BMPER: variants seen among roughly 807,000 people sequenced by gnomAD.
The protein encoded by BMPER is BMP binding endothelial regulator.
Under a neutral mutation model 87.3 loss-of-function variants are expected in BMPER, and 45 were observed. That is an observed-to-expected ratio of 0.52 (90% CI 0.41 to 0.66). The LOEUF (loss-of-function observed/expected upper bound fraction) is 0.66. Among genes scored for constraint, BMPER ranks in the 30% least tolerant of loss-of-function variants. The pLI is 0.00. For missense variants in BMPER, 784 were observed against 867.5 expected (o/e 0.90, Z 1.21); for synonymous variants, 326 against 316.2 (o/e 1.03, Z -0.33).
intron 6 of BMPER, among the ~76,000 whole-genome samples, chr7:34,024,366 A>AT (rs1787282872): frequency 1.1e-5 from 1 of 95,006 alleles, no homozygotes; most frequent in Non-Finnish European, 1.9e-5. Context: ...TCAAAAAAAA[A>AT]AAAAAAAAAA....
intron 14 of BMPER, 97 bp from the exon 15 acceptor site, chr7:34,152,995 C>A: frequency 1.5e-6 from 2 of 1,373,664 alleles, no homozygotes; most frequent in Non-Finnish European, 2.1e-6. Context: ...TGGAAACGTC[C>A]ATGAAGTGTC....
chr7:33,968,074 G>A (rs577534249), intron 4 of BMPER, among the ~76,000 whole-genome samples: 1 of 152,300 alleles, frequency 6.6e-6, no homozygotes, highest in South Asian at 2.1e-4. Flanking sequence ...CCCAGAAAGA[G>A]TGATGCAGGA....
At chr7:34,017,545 C>G (rs1222257314) in intron 6 of BMPER, among the ~76,000 whole-genome samples, 1 of 151,890 alleles carries the variant, frequency 6.6e-6, no homozygotes, top group Admixed American at 6.6e-5. Flanking sequence ...CCTCCTGTGG[C>G]ATGTGGGAAT....
intron 13 of BMPER, among the ~76,000 whole-genome samples, chr7:34,130,778 T>G (rs979458235): frequency 1.3e-5 from 2 of 152,048 alleles, no homozygotes; most frequent in African/African-American, 4.8e-5. Context: ...TCAGAAACCT[T>G]CCCTGAGAAA....
intron 11 of BMPER, among the ~76,000 whole-genome samples, chr7:34,078,646 A>G (rs1170837006): frequency 6.6e-6 from 1 of 152,196 alleles, no homozygotes; most frequent in African/African-American, 2.4e-5. Context: ...AGAGGTTTTA[A>G]AATGACTTTC....
chr7:34,042,202 T>A (rs1485017984), intron 6 of BMPER, among the ~76,000 whole-genome samples: 9 of 152,212 alleles, frequency 5.9e-5, no homozygotes, highest in Admixed American at 5.2e-4. Flanking sequence ...AGGTTTCAGA[T>A]CTTTCTTTTT....
chr7:34,067,845 G>A (rs534368014), intron 11 of BMPER, among the ~76,000 whole-genome samples: 2 of 152,320 alleles, frequency 1.3e-5, no homozygotes, highest in East Asian at 1.9e-4. Flanking sequence ...ATGCTGTTCT[G>A]CTCTAAGGGA....
chr7:34,118,440 G>A (rs1290323442), intron 13 of BMPER, among the ~76,000 whole-genome samples: 1 of 152,212 alleles, frequency 6.6e-6, no homozygotes, highest in Non-Finnish European at 1.5e-5. Flanking sequence ...CATGCTCAAA[G>A]AGGGGGAGCA....
intron 13 of BMPER, among the ~76,000 whole-genome samples, chr7:34,135,249 G>A (rs1790692018): frequency 6.6e-6 from 1 of 152,100 alleles, no homozygotes; most frequent in Non-Finnish European, 1.5e-5. Context: ...TTGGTTGTTG[G>A]ATTTTTGTTC....
chr7:33,953,910 T>C (rs1041253187), intron 3 of BMPER, among the ~76,000 whole-genome samples: 1 of 152,256 alleles, frequency 6.6e-6, no homozygotes, highest in African/African-American at 2.4e-5. Context: ...TTTGTCCTTT[T>C]GTGCCTGGCT....
At chr7:34,073,135 T>C (rs1436186969) in intron 11 of BMPER, among the ~76,000 whole-genome samples, 1 of 152,198 alleles carries the variant, frequency 6.6e-6, no homozygotes, top group East Asian at 1.9e-4. Flanking sequence ...AACTAACTCA[T>C]TCATTCAACA....
intron 11 of BMPER, chr7:34,067,254 T>C (rs574968218): frequency 1.5e-4 from 23 of 152,314 alleles, no homozygotes; most frequent in African/African-American, 4.6e-4. Context: ...CTAGGAGCCC[T>C]GCCTGCTGCC....
intron 8 of BMPER, among the ~76,000 whole-genome samples, chr7:34,054,517 G>T (rs765591973): frequency 1.1e-4 from 16 of 151,716 alleles, no homozygotes; most frequent in African/African-American, 2.9e-4. Flanking sequence ...ACTTTTTTTT[G>T]AAATCAAATC....
intron 3 of BMPER, among the ~76,000 whole-genome samples, chr7:33,964,489 T>C (rs1383444615): frequency 5.3e-5 from 8 of 152,236 alleles, no homozygotes; most frequent in African/African-American, 1.9e-4. Context: ...TCCAGTATTA[T>C]TGTCCAATCT....
chr7:34,065,211 T>C (rs1788549419), intron 11 of BMPER, among the ~76,000 whole-genome samples: 1 of 111,078 alleles, frequency 9.0e-6, no homozygotes, highest in Non-Finnish European at 2.1e-5. Context: ...TCACTCTCTC[T>C]CTCTCTCTCT....
chr7:34,083,506 A>G (rs1789109841), intron 12 of BMPER, among the ~76,000 whole-genome samples: 1 of 152,220 alleles, frequency 6.6e-6, no homozygotes, highest in Non-Finnish European at 1.5e-5. Context: ...TCCATTGACC[A>G]TACAGTGATT....
intron 6 of BMPER, among the ~76,000 whole-genome samples, chr7:33,997,390 A>C (rs1786442866): frequency 6.6e-6 from 1 of 151,988 alleles, no homozygotes. Context: ...ACCTGGTGGG[A>C]GGTGATTGAA....
chr7:33,933,044 G>T (rs1243634390), intron 2 of BMPER, among the ~76,000 whole-genome samples: 2 of 152,236 alleles, frequency 1.3e-5, no homozygotes, highest in Admixed American at 1.3e-4. Context: ...GGGACTCTGT[G>T]CTGCCATCTC....
At chr7:34,135,476 C>T (rs1193297336) in intron 13 of BMPER, among the ~76,000 whole-genome samples, 1 of 152,166 alleles carries the variant, frequency 6.6e-6, no homozygotes, top group Non-Finnish European at 1.5e-5. Context: ...AATGTCATAA[C>T]CAGCAGATCT....
Sources: gnomAD v4.1 joint callset for allele counts (sites outside exome capture counted in the v4.1 genomes callset) on GRCh38, gnomAD v4.1.1 for gene constraint, MANE v1.5 for transcripts, NCBI Gene and HGNC (gene_info 2026-07-23, HGNC 2026-07-21) for gene names.